CDC25B: variants seen among roughly 807,000 people sequenced by gnomAD.
CDC25B encodes the protein M-phase inducer phosphatase 2.
In CDC25B, 33 loss-of-function variants were observed where a neutral mutation model predicts 69.8. That is an observed-to-expected ratio of 0.47 (90% CI 0.36 to 0.63). The LOEUF is 0.63. Ranked by LOEUF, CDC25B falls within the 30% of genes least tolerant of loss-of-function variation. The pLI is 0.00. For synonymous variants in CDC25B, 341 were observed against 314.6 expected (o/e 1.08, Z -0.89); for missense variants, 727 against 809.1 (o/e 0.90, Z 1.23).
upstream of CDC25B, chr20:3,796,144 C>A: frequency 9.1e-7 from 1 of 1,101,308 alleles, no homozygotes; most frequent in Non-Finnish European, 1.1e-6. Flanking sequence ...ATCTTAATTC[C>A]TCCGGCCCAC....
chr20:3,796,268 A>G, upstream of CDC25B: 2 of 1,305,836 alleles, frequency 1.5e-6, no homozygotes, highest in Non-Finnish European at 1.9e-6. Flanking sequence ...GGCTGCTGTT[A>G]TTTTTCGAAT....
chr20:3,800,896 C>T (rs1336611678), intron 6 of CDC25B, 31 bp downstream of exon 6: 8 of 1,613,026 alleles, frequency 5.0e-6, no homozygotes, highest in Non-Finnish European at 6.8e-6. Context: ...GGTGGGAGCT[C>T]TCCGGGAAGA....
At chr20:3,801,539 C>A in intron 8 of CDC25B, 151 bp downstream of exon 8, 1 of 1,145,014 alleles carries the variant, frequency 8.7e-7, no homozygotes, top group Non-Finnish European at 1.2e-6. Flanking sequence ...AACCTCTGGC[C>A]AATGAGAGAA....
chr20:3,797,420 G>T (rs1051542659), intron 1 of CDC25B, among the ~76,000 whole-genome samples: 2 of 152,218 alleles, frequency 1.3e-5, no homozygotes, highest in African/African-American at 4.8e-5. Flanking sequence ...TCCTAAACCA[G>T]TCAACGAAGA....
At chr20:3,787,205 T>G (rs1288455340) in intron 1 of CDC25B, 3 of 635,422 alleles carry the variant, frequency 4.7e-6, no homozygotes, top group African/African-American at 1.9e-5. Context: ...TTTTAAAAAT[T>G]TATTATATAA....
At chr20:3,795,812 C>T (rs1001062786), upstream of CDC25B, 1 of 984,914 alleles carries the variant, frequency 1.0e-6, no homozygotes, top group South Asian at 4.7e-5. Context: ...GCGAGCGAAT[C>T]CTGGCCCACC....
intron 11 of CDC25B, 100 bp downstream of exon 11, chr20:3,802,476 G>T: frequency 1.3e-6 from 1 of 763,696 alleles, no homozygotes; most frequent in South Asian, 1.5e-5. Context: ...TTTCTCCCCG[G>T]AGCCCCCCTT....
rs1230339953 is a variant in CDC25B at position 3,802,640 on chromosome 20, C to T, written c.1194+264C>T. On this transcript the variant is annotated intron_variant, in intron 11 of 15. Coordinates refer to ENST00000245960, the MANE Select transcript of CDC25B (RefSeq NM_021873.4). ...ATACCTAGCTTGGAACCCCCTCATG[C>T]CTCACCTTCGGGCTTGGCAGAGGGT... The T allele has an allele frequency of 1.0e-5, 6 of 600,128 alleles. No homozygotes were observed. In the African/African-American group the frequency reaches 1.1e-4, roughly 11 times the overall value. The allele number at this position is 600,128 out of a possible 1,614,324, so 37.2% of individuals were successfully genotyped here.
At chr20:3,794,466 T>TG (rs999648548), upstream of CDC25B, among the ~76,000 whole-genome samples, 3 of 99,742 alleles carry the variant, frequency 3.0e-5, no homozygotes, top group African/African-American at 1.1e-4. Context: ...GGGTGGGGGG[T>TG]GGGGGGGATA....
chr20:3,801,174 C>A, intron 7 of CDC25B, 80 bp from the exon 8 acceptor site: 1 of 1,604,144 alleles, frequency 6.2e-7, no homozygotes, highest in Non-Finnish European at 8.5e-7. Context: ...AACCCCCAGG[C>A]ACTGGGAACT....
chr20:3,804,241 C>T (rs1172729389), intron 14 of CDC25B, among the ~76,000 whole-genome samples: 2 of 152,220 alleles, frequency 1.3e-5, no homozygotes, highest in Non-Finnish European at 2.9e-5. Flanking sequence ...CCAGGAGTGG[C>T]CCGAATGGAT....
rs928400136 is a variant in CDC25B at position 3,805,717 on chromosome 20, C to T, written c.*756C>T. On this transcript the variant is annotated 3_prime_UTR_variant, in exon 16 of 16. Transcript: ENST00000245960. ...CAAGGGTTAAGGCCTGAATCATGAG[C>T]CTGCTGGAAGCCCAGCCCCTACTGC... The T allele has an allele frequency of 9.9e-6, 4 of 403,294 alleles. No individual in the cohort carries two copies. The highest frequency in any genetic ancestry group is 6.2e-5 in the African/African-American group (3 of 48,760). 25.0% of individuals were successfully genotyped at this position (403,294 alleles called of 1,614,324 possible).
In CDC25B at chr20:3,797,648, C is replaced by G; in HGVS notation, c.227C>G (p.Thr76Ser). 1.9e-6 allele frequency: 3 copies of G among 1,614,210 alleles called. No individual in the cohort carries two copies. Among genetic ancestry groups the G allele is most frequent in the Non-Finnish European group, 1.7e-6 (2 of 1,180,040 alleles). The change falls in exon 2 of 16, where the codon ACC (threonine) becomes AGC (serine). Residue 76 changes from threonine (T) to serine (S), a missense_variant. Transcript: ENST00000245960. ...GSETPKSQVGTLLFRSRSRLT... is the reference protein window; with the variant it reads ...GSETPKSQVGSLLFRSRSRLT... ...GAAACCCCAAAGAGTCAGGTAGGGA[C>G]CCTGCTCTTCCGCAGCCGCAGCCGC...
rs1302519133 is a variant in CDC25B at position 3,805,596 on chromosome 20, G to A, written c.*635G>A. ...ACGCCCATCTCAGGACACTTCCGTA[G>A]ACTGTTTAGGTTCCCCTGTCAAATA... On this transcript the variant is annotated 3_prime_UTR_variant, in exon 16 of 16. Transcript: ENST00000245960. The A allele has an allele frequency of 5.0e-6, 2 of 397,066 alleles. No individual in the cohort carries two copies. Among genetic ancestry groups the A allele is most frequent in the Non-Finnish European group, 8.9e-6 (2 of 225,568 alleles). The allele number at this position is 397,066 out of a possible 1,614,324, so 24.6% of individuals were successfully genotyped here.
Position 3,796,593 on chromosome 20 carries a change from G to C in CDC25B, c.62G>C (p.Gly21Ala), listed in dbSNP as rs1344555862. The change falls in exon 1 of 16, where the codon GGT becomes GCT. Residue 21 changes from glycine (G) to alanine (A), a missense_variant. By Grantham distance (60) the Gly-to-Ala change is moderately conservative (BLOSUM62 0). Transcript: ENST00000245960. ...GCTCTCAGTCCAGCAGGCGTGTGCG[G>C]TGGCGCCCAGCGTCCGGGCCACCTC... ...GSALSPAGVC[G>A]GAQRPGHLPG... is the part of the protein sequence containing the mutation. 1 of 1,443,854 alleles carries C rather than the reference G, an allele frequency of 6.9e-7. No individual in the cohort carries two copies. Among genetic ancestry groups the C allele is most frequent in the Non-Finnish European group, 9.1e-7 (1 of 1,102,838 alleles). The allele number at this position is 1,443,854 out of a possible 1,614,324, so 89.4% of individuals were successfully genotyped here.
chr20:3,799,468 CAG>C (rs1366582162), intron 3 of CDC25B, among the ~76,000 whole-genome samples: 2 of 150,514 alleles, frequency 1.3e-5, no homozygotes, highest in East Asian at 3.9e-4. Flanking sequence ...GACAGTTATA[CAG>C]AGTTTCTCAG....
chr20:3,786,965 TC>T, exon 1 of CDC25B: 1 of 511,220 alleles, frequency 2.0e-6, no homozygotes, highest in Non-Finnish European at 3.4e-6. Flanking sequence ...ACGCGGTGCA[TC>T]GCTACTGCGC....
At chr20:3,802,158 G>C (rs1337936140) in intron 10 of CDC25B, 58 bp downstream of exon 10, 2 of 1,542,362 alleles carry the variant, frequency 1.3e-6, no homozygotes, top group Admixed American at 1.9e-5. Context: ...CACCCCCTTG[G>C]CTAAGTTTGT....
chr20:3,787,044 TAA>T, exon 1 of CDC25B: 1 of 607,840 alleles, frequency 1.6e-6, no homozygotes, highest in Non-Finnish European at 2.9e-6. Flanking sequence ...TTTTTTTTTT[TAA>T]TTAAGGTAAA....
Sources: gnomAD v4.1 joint callset for allele counts (sites outside exome capture counted in the v4.1 genomes callset) on GRCh38, gnomAD v4.1.1 for gene constraint, MANE v1.5 for transcripts, NCBI Gene and HGNC (gene_info 2026-07-23, HGNC 2026-07-21) for gene names.